The following GABRB3 variants were observed in gnomAD, a reference collection of about 807,000 sequenced individuals.
GABRB3 encodes gamma-aminobutyric acid type A receptor subunit beta3, also known as gamma-aminobutyric acid receptor subunit beta-3.
Under a neutral mutation model 52.1 loss-of-function variants are expected in GABRB3, and 14 were observed. That is an observed-to-expected ratio of 0.27 (90% CI 0.18 to 0.42). GABRB3 has a LOEUF of 0.42. GABRB3 is among the 10% of genes least tolerant of loss of function. The pLI is 1.00. For synonymous variants in GABRB3, 260 were observed against 232.3 expected, an observed-to-expected ratio of 1.12 and a Z score of -1.08; for missense variants, 307 against 609.1, an observed-to-expected ratio of 0.50 and a Z score of 5.22.
chr15:26,568,684 G>GTGTTTTTTTTTT (rs373552704), intron 6 of GABRB3, among the ~76,000 whole-genome samples: 27,123 of 132,786 alleles, frequency 0.2, 3,680 homozygotes, highest in East Asian at 0.67. Context: ...TTTTTTTTTG[G>GTGTTTTTTTTTT]TTTTGTATGT....
chr15:26,763,637 C>CACACACA (rs1890883837), intron 3 of GABRB3, among the ~76,000 whole-genome samples: 1 of 151,774 alleles, frequency 6.6e-6, no homozygotes, highest in East Asian at 1.9e-4. Context: ...CACACACACA[C>CACACACA]ACCATGGAAT....
chr15:26,773,319 G>C (rs1206996316), upstream of GABRB3, among the ~76,000 whole-genome samples: 1 of 150,652 alleles, frequency 6.6e-6, no homozygotes, highest in African/African-American at 2.4e-5. Context: ...TGGGACCGCG[G>C]AGTGCGGGGG....
chr15:26,624,975 A>G (rs1892634477), intron 3 of GABRB3: 1 of 985,166 alleles, frequency 1.0e-6, no homozygotes, highest in African/African-American at 1.7e-5. Context: ...GCTACCTAGA[A>G]CCTCATTTAA....
chr15:26,738,212 A>T (rs1420178694), intron 3 of GABRB3, among the ~76,000 whole-genome samples: 1 of 152,044 alleles, frequency 6.6e-6, no homozygotes, highest in Non-Finnish European at 1.5e-5. Flanking sequence ...CCTCCCACGT[A>T]GCTGGGACTA....
chr15:26,669,992 C>T (rs192009003), intron 3 of GABRB3, among the ~76,000 whole-genome samples: 3 of 152,336 alleles, frequency 2.0e-5, no homozygotes, highest in Admixed American at 2.0e-4. Context: ...TCCAGAGAGG[C>T]CCTGTCCATC....
At chr15:26,629,189 G>A (rs1284906421) in intron 3 of GABRB3, 1 of 1,459,762 alleles carries the variant, frequency 6.9e-7, no homozygotes. Context: ...GAGACGGAGG[G>A]CTTTGCGAAG....
At chr15:26,581,044 T>C (rs1890769236) in intron 5 of GABRB3, 1 of 216,338 alleles carries the variant, frequency 4.6e-6, no homozygotes, top group African/African-American at 2.3e-5. Flanking sequence ...CCCTTAGAGA[T>C]GGGCACAGGT....
At chr15:26,560,076 C>T (rs958446363) in intron 8 of GABRB3, among the ~76,000 whole-genome samples, 7 of 152,130 alleles carry the variant, frequency 4.6e-5, no homozygotes, top group Non-Finnish European at 1.0e-4. Flanking sequence ...AAAATGCTTC[C>T]GTAGAACAAA....
At chr15:26,654,521 G>A (rs373154975) in intron 3 of GABRB3, among the ~76,000 whole-genome samples, 20 of 152,060 alleles carry the variant, frequency 1.3e-4, no homozygotes, top group African/African-American at 4.1e-4. Context: ...TTGGGAGGCC[G>A]AGGCAGGAGG....
rs75036679 is a variant in GABRB3, at chr15:26,589,798, C to T, written c.462-6384G>A. Among the ~76,000 whole-genome samples, 490 of 152,242 alleles carry T rather than the reference C, an allele frequency of 3.2e-3. 3 individuals carry two copies. The highest frequency in any genetic ancestry group is 0.011 in the African/African-American group (459 of 41,540). ...GAACGGCAGCAACCCCAACCACACA[C>T]GCAGAGTAAGTGTCCTGTAAATATT... On this transcript the variant is annotated intron_variant, in intron 4 of 8. Transcript: ENST00000311550.
intron 3 of GABRB3, among the ~76,000 whole-genome samples, chr15:26,722,153 T>C (rs1297322375): frequency 6.6e-6 from 1 of 152,168 alleles, no homozygotes; most frequent in African/African-American, 2.4e-5. Flanking sequence ...TTGCCCCATC[T>C]AGGTCCTCAA....
chr15:26,670,682 T>G (rs1887872198), intron 3 of GABRB3, among the ~76,000 whole-genome samples: 1 of 152,282 alleles, frequency 6.6e-6, no homozygotes, highest in African/African-American at 2.4e-5. Flanking sequence ...CTACTGACAC[T>G]GAGAAAATTA....
chr15:26,631,980 G>C (rs1566784336), intron 3 of GABRB3, among the ~76,000 whole-genome samples: 2 of 152,308 alleles, frequency 1.3e-5, no homozygotes, highest in Non-Finnish European at 2.9e-5. Context: ...ACAATCTAGT[G>C]GGGAGAAAGA....
At chr15:26,666,620 G>A (rs139743585) in intron 3 of GABRB3, 1 of 152,308 alleles carries the variant, frequency 6.6e-6, no homozygotes, top group Non-Finnish European at 1.5e-5. Flanking sequence ...TCAAATGCAG[G>A]GCAGGGCAGG....
chr15:26,773,725 G>A, upstream of GABRB3: 8 of 1,564,000 alleles, frequency 5.1e-6, no homozygotes, highest in Non-Finnish European at 6.9e-6. Context: ...CGGAGCACAT[G>A]GCGCTGTTCC....
At chr15:26,757,093 A>G (rs918097071) in intron 3 of GABRB3, among the ~76,000 whole-genome samples, 9 of 152,204 alleles carry the variant, frequency 5.9e-5, no homozygotes, top group African/African-American at 2.2e-4. Context: ...CTACCTTCTG[A>G]TGAAACATAG....
At chr15:26,752,171 C>T (rs1054784759) in intron 3 of GABRB3, among the ~76,000 whole-genome samples, 5 of 152,208 alleles carry the variant, frequency 3.3e-5, no homozygotes, top group African/African-American at 1.2e-4. Flanking sequence ...AACTAGCAGA[C>T]ATGGAGAGAC....
At chr15:26,738,036 T>C (rs1890109295) in intron 3 of GABRB3, among the ~76,000 whole-genome samples, 1 of 152,194 alleles carries the variant, frequency 6.6e-6, no homozygotes, top group Admixed American at 6.5e-5. Context: ...ATCGACTTTT[T>C]GAAGAGTCTT....
At chr15:26,749,569 T>C (rs1285764978) in intron 3 of GABRB3, among the ~76,000 whole-genome samples, 1 of 152,186 alleles carries the variant, frequency 6.6e-6, no homozygotes, top group Non-Finnish European at 1.5e-5. Flanking sequence ...CTTCTGTATG[T>C]TGGGAGCACA....
Sources: allele counts gnomAD v4.1 joint callset (sites outside exome capture counted in the v4.1 genomes callset), GRCh38; gene constraint gnomAD v4.1.1; transcripts MANE v1.5; gene names NCBI Gene and HGNC (gene_info 2026-07-23, HGNC 2026-07-21).